FBXW7: variants seen among roughly 807,000 people sequenced by gnomAD.
FBXW7 encodes F-box and WD repeat domain containing 7.
FBXW7 carries 11 observed loss-of-function variants against 86.3 expected under a neutral mutation model. The observed-to-expected ratio is 0.13, with a 90% confidence interval of 0.08 to 0.21. FBXW7 has a LOEUF of 0.21. FBXW7 is among the 10% of genes least tolerant of loss of function. FBXW7 has a pLI of 1.00. For missense variants in FBXW7, 488 were observed against 847.4 expected, an observed-to-expected ratio of 0.58 and a Z score of 5.27; for synonymous variants, 313 against 297.9, an observed-to-expected ratio of 1.05 and a Z score of -0.52.
At chr4:152,404,186 T>C (rs770186631) in intron 4 of FBXW7, among the ~76,000 whole-genome samples, 2 of 152,190 alleles carry the variant, frequency 1.3e-5, no homozygotes, top group Non-Finnish European at 2.9e-5. Context: ...GATCATGATA[T>C]AATGACATTT....
At chr4:152,397,329 C>A (rs1736502869) in intron 4 of FBXW7, among the ~76,000 whole-genome samples, 1 of 151,988 alleles carries the variant, frequency 6.6e-6, no homozygotes, top group African/African-American at 2.4e-5. Flanking sequence ...TCTCTAGAAG[C>A]TATTAAAGAT....
At chr4:152,527,893 CACACACACATATATAT>C (rs1344321509) in intron 2 of FBXW7, among the ~76,000 whole-genome samples, 2 of 151,554 alleles carry the variant, frequency 1.3e-5, no homozygotes, top group Non-Finnish European at 2.9e-5. Context: ...CACACACACA[CACACACACATATATAT>C]ACACACACAC....
chr4:152,352,429 A>G, intron 4 of FBXW7: 1 of 1,611,590 alleles, frequency 6.2e-7, no homozygotes, highest in Non-Finnish European at 8.5e-7. Context: ...GCAGGCATAC[A>G]CACACAATCA....
At chr4:152,529,088 C>T (rs1220369745) in intron 2 of FBXW7, among the ~76,000 whole-genome samples, 1 of 151,752 alleles carries the variant, frequency 6.6e-6, no homozygotes, top group East Asian at 1.9e-4. Flanking sequence ...TAAAAACATA[C>T]ACATTTTTCC....
Position 152,326,246 on chromosome 4 carries a change from A to T in FBXW7, c.1419-15T>A, listed in dbSNP as rs1231850427. 5 of 1,595,070 alleles carry T rather than the reference A, an allele frequency of 3.1e-6. No homozygotes were observed. The highest frequency in any genetic ancestry group is 4.3e-6 in the Non-Finnish European group (5 of 1,168,084). On this transcript the variant is annotated splice_polypyrimidine_tract_variant and intron_variant, in intron 11 of 13. Transcript: ENST00000281708. ...CGCTAACAACTCTGCAGAGGGAGAA[A>T]CAGAAAAACAAAACAAAACAAAAAA...
intron 2 of FBXW7, among the ~76,000 whole-genome samples, chr4:152,420,724 T>C (rs951595088): frequency 6.6e-6 from 1 of 152,226 alleles, no homozygotes; most frequent in African/African-American, 2.4e-5. Flanking sequence ...AGTAATATTT[T>C]GAAAGGAATC....
chr4:152,512,776 T>A (rs1035667178), intron 2 of FBXW7, among the ~76,000 whole-genome samples: 8 of 152,112 alleles, frequency 5.3e-5, no homozygotes, highest in Non-Finnish European at 1.0e-4. Context: ...AGCATCAGGG[T>A]TCTTTTGAGG....
Position 152,350,794 on chromosome 4 carries a change from C to G in FBXW7, c.502-670G>C, listed in dbSNP as rs557806755. ...CAGAATATAGCTCTATTGACAGATA[C>G]TCAGGACAAAATATTCTAATTTGAA... On this transcript the variant is annotated intron_variant, in intron 4 of 13. Transcript: ENST00000281708. Among the ~76,000 whole-genome samples the G allele has an allele frequency of 8.6e-5, 13 of 151,868 alleles. No homozygotes were observed. The South Asian group carries it at 2.7e-3, about 32-fold the overall frequency.
At chr4:152,507,380 C>T (rs1316361042) in intron 2 of FBXW7, among the ~76,000 whole-genome samples, 1 of 152,076 alleles carries the variant, frequency 6.6e-6, no homozygotes, top group Non-Finnish European at 1.5e-5. Flanking sequence ...TTATCAAATA[C>T]CGAACAAAAT....
intron 4 of FBXW7, among the ~76,000 whole-genome samples, chr4:152,353,631 T>C (rs1217752793): frequency 6.6e-6 from 1 of 152,124 alleles, no homozygotes; most frequent in Non-Finnish European, 1.5e-5. Flanking sequence ...TAATCTGGAG[T>C]AAACAGGAGG....
intron 2 of FBXW7, among the ~76,000 whole-genome samples, chr4:152,436,877 C>G (rs1036410340): frequency 2.0e-5 from 3 of 152,170 alleles, no homozygotes; most frequent in Non-Finnish European, 4.4e-5. Flanking sequence ...ATGAAAGATT[C>G]CTTTCAAATA....
intron 4 of FBXW7, among the ~76,000 whole-genome samples, chr4:152,378,723 C>T (rs980924374): frequency 3.9e-5 from 6 of 152,140 alleles, no homozygotes; most frequent in African/African-American, 1.2e-4. Flanking sequence ...ACTTATTATG[C>T]CGGGCATGGT....
chr4:152,480,451 A>G (rs190875355), intron 2 of FBXW7, among the ~76,000 whole-genome samples: 19 of 152,272 alleles, frequency 1.2e-4, no homozygotes, highest in Admixed American at 4.6e-4. Flanking sequence ...AATTTGTCCA[A>G]TTAATAACCC....
intron 6 of FBXW7, among the ~76,000 whole-genome samples, chr4:152,345,313 T>G (rs986403126): frequency 6.6e-6 from 1 of 152,050 alleles, no homozygotes; most frequent in Admixed American, 6.6e-5. Context: ...GGAGGAAGGG[T>G]AGGAATAATC....
At chr4:152,387,195 C>T (rs990630877) in intron 4 of FBXW7, among the ~76,000 whole-genome samples, 1 of 152,100 alleles carries the variant, frequency 6.6e-6, no homozygotes, top group South Asian at 2.1e-4. Flanking sequence ...ATAATATCAA[C>T]GTATGTTATT....
At chr4:152,453,009 C>T (rs748750235) in intron 2 of FBXW7, among the ~76,000 whole-genome samples, 31 of 152,022 alleles carry the variant, frequency 2.0e-4, no homozygotes, top group Non-Finnish European at 4.0e-4. Flanking sequence ...TGGTGAAACC[C>T]CCGTCTCAAC....
intron 4 of FBXW7, among the ~76,000 whole-genome samples, chr4:152,391,522 G>T (rs1174177839): frequency 6.6e-6 from 1 of 152,018 alleles, no homozygotes; most frequent in Non-Finnish European, 1.5e-5. Context: ...GGGATAGAAA[G>T]ATAAATAAGT....
At chr4:152,335,424 T>C (rs1310646720) in intron 7 of FBXW7, among the ~76,000 whole-genome samples, 1 of 152,072 alleles carries the variant, frequency 6.6e-6, no homozygotes, top group African/African-American at 2.4e-5. Context: ...GCTATGATCA[T>C]TCCACTGCAT....
At chr4:152,351,190 T>C (rs1731779055) in intron 4 of FBXW7, among the ~76,000 whole-genome samples, 1 of 152,126 alleles carries the variant, frequency 6.6e-6, no homozygotes, top group African/African-American at 2.4e-5. Flanking sequence ...TCCTACCTCT[T>C]GCCTTACATG....
Sources: allele counts gnomAD v4.1 joint callset (sites outside exome capture counted in the v4.1 genomes callset), GRCh38; gene constraint gnomAD v4.1.1; transcripts MANE v1.5; gene names NCBI Gene and HGNC (gene_info 2026-07-23, HGNC 2026-07-21).